The following ARHGAP39 variants were observed in gnomAD, a reference collection of about 807,000 sequenced individuals.
ARHGAP39 encodes Rho GTPase activating protein 39, also known as rho GTPase-activating protein 39.
In ARHGAP39, 44 loss-of-function variants were observed where a neutral mutation model predicts 106.9. The ratio of observed to expected loss-of-function variants is 0.41; its 90% CI spans 0.32 to 0.53. The LOEUF (loss-of-function observed/expected upper bound fraction) is 0.53, where lower values mean the gene tolerates loss of function less well. Among genes scored for constraint, ARHGAP39 ranks in the 20% least tolerant of loss-of-function variants. The pLI is 0.21. For synonymous variants in ARHGAP39, 768 were observed against 693.2 expected (o/e 1.11, Z -1.69); for missense variants, 1,496 against 1,577.3 (o/e 0.95, Z 0.87).
rs779063396 is a variant in ARHGAP39 at position 144,591,129 on chromosome 8, G to A, written c.81-9852C>T. The stretch of plus-strand genomic sequence containing the variant: ...TGACCTCCTGGAGCCGGGTGGCTGC[G>A]CAGGCCTGGGGTGCAAGGCCAGAGG... On this transcript the variant is annotated intron_variant, in intron 2 of 11. Transcript: ENST00000377307. The surrounding 1 kb of genome is among the most constrained non-coding windows in gnomAD (Gnocchi z 5.3). Among the ~76,000 whole-genome samples, 13 of 152,102 alleles carry A rather than the reference G, an allele frequency of 8.5e-5. No homozygotes were observed. Among genetic ancestry groups the A allele is most frequent in the Non-Finnish European group, 1.9e-4 (13 of 68,018 alleles).
chr8:144,606,783 T>A (rs1225032117), intron 1 of ARHGAP39, among the ~76,000 whole-genome samples: 1 of 152,158 alleles, frequency 6.6e-6, no homozygotes, highest in Non-Finnish European at 1.5e-5. Flanking sequence ...TCCAATCTCG[T>A]ACGTAAAACT....
At position 144,532,360 on chromosome 8, in the gene ARHGAP39, C is replaced by G; in HGVS notation, c.2925G>C (p.Lys975Asn). The change falls in exon 10 of 12, where the codon AAG becomes AAC. Residue 975 changes from lysine (K) to asparagine (N), a missense_variant. Lys to Asn is a moderately conservative substitution (Grantham distance 94). Transcript: ENST00000377307. ...PGDIDEVNAL[K>N]LQVDQWKVPT... ...GCACCTTCCACTGGTCCACCTGCAG[C>G]TTCAGGGCATTCACCTCGTCAATGT... The G allele has an allele frequency of 6.2e-7, 1 of 1,612,968 alleles. No homozygotes were observed.
At chr8:144,639,010 C>A (rs1190888879) in intron 1 of ARHGAP39, among the ~76,000 whole-genome samples, 1 of 152,190 alleles carries the variant, frequency 6.6e-6, no homozygotes, top group East Asian at 1.9e-4. Context: ...TACCTGGAAG[C>A]CAGTATGCTT....
chr8:144,623,674 G>A (rs889882312), intron 1 of ARHGAP39, among the ~76,000 whole-genome samples: 1 of 152,320 alleles, frequency 6.6e-6, no homozygotes, highest in Middle Eastern at 3.4e-3. Flanking sequence ...TGTGCAGAAC[G>A]CCGACCCAAG....
intron 1 of ARHGAP39, among the ~76,000 whole-genome samples, chr8:144,640,836 A>C (rs1586632204): frequency 4.6e-5 from 7 of 152,188 alleles, no homozygotes. Flanking sequence ...TAGGTATTAG[A>C]TAAGCGTCCC....
rs1349176137 is a variant in ARHGAP39, at chr8:144,645,823, G to T, written c.-82+39863C>A. On this transcript the variant is annotated intron_variant, in intron 1 of 11. Coordinates refer to ENST00000377307, the MANE Select transcript of ARHGAP39 (RefSeq NM_025251.3). The surrounding 1 kb of genome is among the most constrained non-coding windows in gnomAD (Gnocchi z 4.4). ...AAAGGGGCTGCCTGAGCGAGGCCAG[G>T]GCTGCAGGGGGAGCTGGGGGCAGCA... Among the ~76,000 whole-genome samples, 1 of 152,240 alleles carries T rather than the reference G, an allele frequency of 6.6e-6. No homozygotes were observed. The highest frequency in any genetic ancestry group is 2.1e-4 in the South Asian group (1 of 4,832).
At chr8:144,605,253 CCT>C (rs1820239327) in intron 2 of ARHGAP39, among the ~76,000 whole-genome samples, 1 of 152,110 alleles carries the variant, frequency 6.6e-6, no homozygotes, top group African/African-American at 2.4e-5. Context: ...CGAGTGAGAC[CCT>C]GTCTCCTCAA....
intron 1 of ARHGAP39, among the ~76,000 whole-genome samples, chr8:144,662,326 T>C (rs1418772057): frequency 1.4e-5 from 2 of 142,642 alleles, no homozygotes; most frequent in African/African-American, 5.3e-5. Flanking sequence ...CCCTCCCTAC[T>C]ATCCGCCTTA....
chr8:144,642,427 C>A (rs900712494), intron 1 of ARHGAP39, among the ~76,000 whole-genome samples: 2 of 151,778 alleles, frequency 1.3e-5, no homozygotes, highest in African/African-American at 4.8e-5. Flanking sequence ...GCGGAGGCTG[C>A]AGTGAGCTGA....
At chr8:144,597,843 G>A (rs551416437) in intron 2 of ARHGAP39, among the ~76,000 whole-genome samples, 2 of 152,292 alleles carry the variant, frequency 1.3e-5, no homozygotes, top group South Asian at 4.1e-4. Context: ...ACAAAGGCGT[G>A]AGCACAGATG....
chr8:144,649,630 T>G (rs574592278), intron 1 of ARHGAP39, among the ~76,000 whole-genome samples: 2 of 151,944 alleles, frequency 1.3e-5, no homozygotes, highest in Non-Finnish European at 2.9e-5. Flanking sequence ...ATTAGCTGGG[T>G]GTGGTGGCAC....
the ARHGAP39 span, among the ~76,000 whole-genome samples, chr8:144,691,583 A>G: frequency 1.3e-5 from 2 of 152,100 alleles, no homozygotes; most frequent in Non-Finnish European, 2.9e-5. Flanking sequence ...AGTTCCTCAT[A>G]GGCTGAGTAC....
intron 5 of ARHGAP39, among the ~76,000 whole-genome samples, chr8:144,546,759 T>C (rs1485130227): frequency 6.6e-6 from 1 of 152,090 alleles, no homozygotes; most frequent in Non-Finnish European, 1.5e-5. Context: ...CCCGACACCT[T>C]GGCTGCCTGC....
chr8:144,596,775 GGT>G (rs1819637615), intron 2 of ARHGAP39, among the ~76,000 whole-genome samples: 1 of 152,208 alleles, frequency 6.6e-6, no homozygotes, highest in African/African-American at 2.4e-5. Context: ...AGGACCCACT[GGT>G]GCCGCAGGAC....
rs566175403 is a variant in ARHGAP39, at chr8:144,590,305, G to A, written c.81-9028C>T. ...GACCACTGGTGATGACAGTTTGGAC[G>A]CTTGTCCCCAAACCTCACGTTGAGA... On this transcript the variant is annotated intron_variant, in intron 2 of 11. Transcript: ENST00000377307. 9.8e-5 allele frequency among the ~76,000 whole-genome samples: 15 copies of A among 152,346 alleles called. 1 individual carries two copies. In the South Asian group the frequency reaches 2.1e-3, roughly 21 times the overall value.
chr8:144,674,931 A>G (rs1822192369), intron 1 of ARHGAP39, among the ~76,000 whole-genome samples: 1 of 152,182 alleles, frequency 6.6e-6, no homozygotes, highest in African/African-American at 2.4e-5. Flanking sequence ...GAGGCCAGGT[A>G]GCGGGAGGAG....
chr8:144,544,094 A>C (rs1817304586), intron 6 of ARHGAP39: 1 of 152,350 alleles, frequency 6.6e-6, no homozygotes, highest in South Asian at 2.1e-4. Context: ...TCTGCCTGGC[A>C]CCCTGCTCTG....
intron 2 of ARHGAP39, 108 bp from the exon 3 acceptor site, chr8:144,581,385 G>A: frequency 8.0e-7 from 1 of 1,245,948 alleles, no homozygotes; most frequent in Non-Finnish European, 1.1e-6. Context: ...CAGAAATCCT[G>A]TCATAGAGGA....
At chr8:144,553,544 C>G (rs1817800365) in intron 4 of ARHGAP39, among the ~76,000 whole-genome samples, 1 of 152,268 alleles carries the variant, frequency 6.6e-6, no homozygotes, top group Non-Finnish European at 1.5e-5. Flanking sequence ...CCACAAGCCC[C>G]CCGAGGCAGT....
Sources: allele counts gnomAD v4.1 joint callset (sites outside exome capture counted in the v4.1 genomes callset), GRCh38; gene constraint gnomAD v4.1.1; non-coding constraint Gnocchi (gnomAD v3.1); transcripts MANE v1.5; gene names NCBI Gene and HGNC (gene_info 2026-07-23, HGNC 2026-07-21).